HAVCR2: variants seen among roughly 807,000 people sequenced by gnomAD.
HAVCR2 encodes T cell immunoglobulin mucin 3.
In HAVCR2, 13 loss-of-function variants were observed where a neutral mutation model predicts 24.7. The ratio of observed to expected loss-of-function variants is 0.53; its 90% CI spans 0.34 to 0.84. The LOEUF is 0.84. Ranked by LOEUF, HAVCR2 falls within the 40% of genes least tolerant of loss-of-function variation. The probability of loss-of-function intolerance (pLI) is 0.01; values close to 1 mark genes in which losing one functional copy is unlikely to be tolerated. For synonymous variants in HAVCR2, 154 were observed against 143.4 expected (o/e 1.07, Z -0.53); for missense variants, 343 against 371.2 (o/e 0.92, Z 0.62).
rs1330630915 is a variant in HAVCR2, at chr5:157,088,954, T to C, written c.700A>G (p.Ile234Val). The part of the protein sequence containing the change: ...FKWYSHSKEK[I>V]QNLSLISLAN... ...CATTATTCTTACCTTAAATTCTGTA[T>C]CTTCTCTTTGCTATGAGAATACCCT... The change falls in exon 6 of 7, where the codon ATA (isoleucine) becomes GTA (valine). Residue 234 changes from isoleucine to valine, a missense_variant. Coordinates refer to ENST00000307851, the MANE Select transcript of HAVCR2 (RefSeq NM_032782.5). 6.2e-7 allele frequency: 1 copy of C among 1,609,340 alleles called. No individual in the cohort carries two copies. Among genetic ancestry groups the C allele is most frequent in the Non-Finnish European group, 8.5e-7 (1 of 1,177,968 alleles).
intron 2 of HAVCR2, 70 bp from the exon 3 acceptor site, chr5:157,104,819 G>T (rs1179754211): frequency 1.5e-5 from 17 of 1,116,388 alleles, no homozygotes; most frequent in Non-Finnish European, 2.2e-5. Flanking sequence ...GAATCAAAGG[G>T]GCAGCAAGAA....
At chr5:157,090,256 G>A (rs940919292) in intron 5 of HAVCR2, among the ~76,000 whole-genome samples, 3 of 149,372 alleles carry the variant, frequency 2.0e-5, no homozygotes, top group African/African-American at 7.4e-5. Flanking sequence ...CAGCTTCTGA[G>A]TAGCTAGAAC....
intron 4 of HAVCR2, among the ~76,000 whole-genome samples, 164 bp downstream of exon 4, chr5:157,098,694 A>G (rs1019600869): frequency 7.9e-5 from 12 of 152,158 alleles, no homozygotes; most frequent in Non-Finnish European, 1.8e-4. Flanking sequence ...CAGCAGGCCT[A>G]TGAGGTTAGA....
chr5:157,092,810 GGAGGATCACCT>G (rs1345945994), intron 5 of HAVCR2, among the ~76,000 whole-genome samples: 1 of 138,984 alleles, frequency 7.2e-6, no homozygotes, highest in Non-Finnish European at 1.5e-5. Flanking sequence ...GGCTGAAGTA[GGAGGATCACCT>G]GAGCTCAGGA....
chr5:157,094,729 A>T (rs1192032759), intron 5 of HAVCR2, among the ~76,000 whole-genome samples: 1 of 151,490 alleles, frequency 6.6e-6, no homozygotes, highest in East Asian at 1.9e-4. Flanking sequence ...AAAAAAAGGG[A>T]TAAGTAACTT....
intron 4 of HAVCR2, 46 bp downstream of exon 4, chr5:157,098,812 C>G: frequency 6.4e-7 from 1 of 1,562,228 alleles, no homozygotes; most frequent in Non-Finnish European, 8.8e-7. Context: ...GCCATGATTT[C>G]CCCTCCAAGT....
At position 157,090,122 on chromosome 5, in the gene HAVCR2, CTTTTTT is replaced by C. The variant is rs869177923; in HGVS notation, c.677-1151_677-1146del. On this transcript the variant is annotated intron_variant, in intron 5 of 6. Coordinates refer to ENST00000307851, the MANE Select transcript of HAVCR2 (RefSeq NM_032782.5). ...TTAAAATTTTCCTTTCTTTTCTTTT[CTTTTTT>C]TTTTTTTTTTTTTTTTTTTGAGACA... Among the ~76,000 whole-genome samples, 598 of 65,590 alleles carry C rather than the reference CTTTTTT, an allele frequency of 9.1e-3. 1 individual carries two copies. Among genetic ancestry groups the C allele is most frequent in the Middle Eastern group, 0.02 (1 of 50 alleles). 43.0% of individuals were successfully genotyped at this position (65,590 alleles called of 152,430 possible). A position where few individuals can be genotyped will look rare whatever the true frequency, so the allele number is the denominator to read the frequency against.
intron 4 of HAVCR2, among the ~76,000 whole-genome samples, chr5:157,097,911 T>C (rs945703187): frequency 3.9e-5 from 6 of 152,106 alleles, no homozygotes; most frequent in Non-Finnish European, 5.9e-5. Context: ...GTTTTTCTTT[T>C]ATTCTGAGAA....
chr5:157,107,757 C>A (rs1197388493), intron 1 of HAVCR2, among the ~76,000 whole-genome samples: 2 of 152,084 alleles, frequency 1.3e-5, no homozygotes, highest in African/African-American at 2.4e-5. Context: ...TTTACCGGTG[C>A]GGTCACCCTG....
intron 5 of HAVCR2, among the ~76,000 whole-genome samples, chr5:157,090,911 A>G (rs1756989356): frequency 6.6e-6 from 1 of 152,018 alleles, no homozygotes; most frequent in Non-Finnish European, 1.5e-5. Context: ...CAGCAGCAAG[A>G]TCATAGTTCA....
chr5:157,103,981 G>T (rs151017411), intron 3 of HAVCR2, among the ~76,000 whole-genome samples: 1 of 152,250 alleles, frequency 6.6e-6, no homozygotes. Flanking sequence ...AGCCCATAAG[G>T]TGTGATTTAT....
At chr5:157,095,125 G>T (rs1305726417) in intron 5 of HAVCR2, among the ~76,000 whole-genome samples, 181 bp downstream of exon 5, 3 of 152,154 alleles carry the variant, frequency 2.0e-5, no homozygotes, top group Non-Finnish European at 4.4e-5. Flanking sequence ...CGCAGTGGCT[G>T]CCTGACACAC....
intron 1 of HAVCR2, among the ~76,000 whole-genome samples, chr5:157,107,902 T>TC (rs1757275281): frequency 1.3e-5 from 2 of 148,944 alleles, no homozygotes; most frequent in South Asian, 4.5e-4. Context: ...CTTCTCAATA[T>TC]CCCACCTTGT....
At chr5:157,097,250 A>AT (rs1221167508) in intron 4 of HAVCR2, among the ~76,000 whole-genome samples, 13,051 of 128,558 alleles carry the variant, frequency 0.1, 943 homozygotes, top group African/African-American at 0.15. Context: ...CCCTCAAGTA[A>AT]TTTTTTTTTT....
intron 5 of HAVCR2, among the ~76,000 whole-genome samples, chr5:157,092,777 C>A (rs1290546166): frequency 4.0e-5 from 6 of 149,250 alleles, no homozygotes; most frequent in Non-Finnish European, 5.9e-5. Context: ...ATTCATCACG[C>A]CTGTAATCCC....
intron 5 of HAVCR2, among the ~76,000 whole-genome samples, chr5:157,093,307 G>A (rs1243868297): frequency 6.6e-6 from 1 of 152,026 alleles, no homozygotes; most frequent in Admixed American, 6.6e-5. Flanking sequence ...ATGCAGGCAA[G>A]TGACCTAACC....
chr5:157,095,694 G>C (rs1757086368), intron 4 of HAVCR2, among the ~76,000 whole-genome samples: 1 of 124,304 alleles, frequency 8.0e-6, no homozygotes, highest in African/African-American at 3.1e-5. Flanking sequence ...GTTGTGGGTA[G>C]AGAAGGAGCT....
At position 157,095,444 on chromosome 5, in the gene HAVCR2, C is replaced by T; in HGVS notation, c.538G>A (p.Ala180Thr). ...DINLTQISTL[A>T]NELRDSRLAN... ...AATCTAGAGTCCCGTAACTCATTGGCCAATGTGGATATTTGCTATGGAAAC... is the reference window on the plus strand; with the variant it reads ...AATCTAGAGTCCCGTAACTCATTGGTCAATGTGGATATTTGCTATGGAAAC... The change falls in exon 5 of 7, where the codon GCC becomes ACC. Residue 180 changes from alanine to threonine, a missense_variant. Transcript: ENST00000307851. 1.9e-6 allele frequency: 3 copies of T among 1,613,974 alleles called. No individual in the cohort carries two copies. The highest frequency in any genetic ancestry group is 1.7e-6 in the Non-Finnish European group (2 of 1,179,988).
intron 5 of HAVCR2, among the ~76,000 whole-genome samples, chr5:157,092,432 A>G (rs1757017557): frequency 6.6e-6 from 1 of 151,634 alleles, no homozygotes; most frequent in African/African-American, 2.4e-5. Context: ...TCTCATTTCT[A>G]TTTTTATTTT....
Sources: gnomAD v4.1 joint callset for allele counts (sites outside exome capture counted in the v4.1 genomes callset) on GRCh38, gnomAD v4.1.1 for gene constraint, MANE v1.5 for transcripts, NCBI Gene and HGNC (gene_info 2026-07-23, HGNC 2026-07-21) for gene names.